CTBP2: variants seen among roughly 807,000 people sequenced by gnomAD.
The protein encoded by CTBP2 is C-terminal-binding protein 2.
A neutral mutation model predicts 80.3 loss-of-function variants in CTBP2; 30 were observed. The ratio of observed to expected loss-of-function variants is 0.37; its 90% CI spans 0.28 to 0.51. The LOEUF is 0.51. Ranked by LOEUF, CTBP2 falls within the 20% of genes least tolerant of loss-of-function variation. The pLI, the probability that CTBP2 is intolerant of heterozygous loss-of-function variation, is 0.93. For synonymous variants in CTBP2, 594 were observed against 587.4 expected, an observed-to-expected ratio of 1.01 and a Z score of -0.16; for missense variants, 1,212 against 1,375.3, an observed-to-expected ratio of 0.88 and a Z score of 1.88.
At chr10:125,067,040 C>G (rs1844747671) in intron 2 of CTBP2, among the ~76,000 whole-genome samples, 2 of 152,198 alleles carry the variant, frequency 1.3e-5, no homozygotes, top group Admixed American at 1.3e-4. Context: ...CAGACACCCC[C>G]CACGTCCACC....
At position 124,984,739 on chromosome 10, in the gene CTBP2, A is replaced by G. The variant is rs1196909902; in HGVS notation, c.*4779T>C. On this transcript the variant is annotated 3_prime_UTR_variant, in exon 9 of 9. Transcript: ENST00000309035. ...TCCTACCAAGTCTCTGATCTGTTGTATGATTTTCCCTTTGTCTTCATATTC... is the reference window on the plus strand; with the variant it reads ...TCCTACCAAGTCTCTGATCTGTTGTGTGATTTTCCCTTTGTCTTCATATTC... 6.2e-7 allele frequency: 1 copy of G among 1,600,258 alleles called. No individual in the cohort carries two copies.
At chr10:125,074,009 C>T (rs1564855573) in intron 2 of CTBP2, among the ~76,000 whole-genome samples, 1 of 152,212 alleles carries the variant, frequency 6.6e-6, no homozygotes, top group Non-Finnish European at 1.5e-5. Flanking sequence ...ACCTGTTCAG[C>T]TGTATCTCTC....
intron 1 of CTBP2, among the ~76,000 whole-genome samples, chr10:125,018,503 CAAACCAA>C (rs71029232): frequency 1.8e-4 from 27 of 150,966 alleles, no homozygotes; most frequent in African/African-American, 5.6e-4. Context: ...AAAACAAAAA[CAAACCAA>C]AAACCAAAAA....
Position 124,984,518 on chromosome 10 carries a change from T to C in CTBP2, c.*5000A>G. The C allele has an allele frequency of 2.3e-6, 1 of 431,032 alleles. No homozygotes were observed. The highest frequency in any genetic ancestry group is 4.1e-6 in the Non-Finnish European group (1 of 243,856). The allele number at this position is 431,032 out of a possible 1,614,324, so 26.7% of individuals were successfully genotyped here. A position where few individuals can be genotyped will look rare whatever the true frequency, so the allele number is the denominator to read the frequency against. Reference sequence around the variant, plus strand: ...TTATTAGGACATTTGTTTTTTATTTTATCTAACAAATTACCCTCTAGTGTG... The same window carrying C: ...TTATTAGGACATTTGTTTTTTATTTCATCTAACAAATTACCCTCTAGTGTG... On this transcript the variant is annotated 3_prime_UTR_variant, in exon 9 of 9. Transcript: ENST00000309035.
chr10:125,073,186 T>C (rs1845772972), intron 2 of CTBP2, among the ~76,000 whole-genome samples: 1 of 152,260 alleles, frequency 6.6e-6, no homozygotes, highest in Non-Finnish European at 1.5e-5. Flanking sequence ...TCAATGTTGA[T>C]GATGTCCACT....
intron 2 of CTBP2, among the ~76,000 whole-genome samples, chr10:125,102,673 C>T (rs1235371037): frequency 6.6e-6 from 1 of 152,210 alleles, no homozygotes; most frequent in Non-Finnish European, 1.5e-5. Flanking sequence ...ACTGTACTCT[C>T]ATCAAAGTGA....
At chr10:125,149,479 T>C (rs1192173473) in intron 1 of CTBP2, among the ~76,000 whole-genome samples, 1 of 152,112 alleles carries the variant, frequency 6.6e-6, no homozygotes, top group Non-Finnish European at 1.5e-5. Flanking sequence ...ACATGACTGA[T>C]TTGTCAAGAG....
chr10:125,156,847 C>A (rs1001836564), intron 1 of CTBP2, among the ~76,000 whole-genome samples: 1 of 152,154 alleles, frequency 6.6e-6, no homozygotes, highest in Non-Finnish European at 1.5e-5. Context: ...AAAGTTAAGA[C>A]TGAAGTTATT....
At chr10:124,999,324 GC>G (rs1201104573) in intron 3 of CTBP2, 1 of 150,838 alleles carries the variant, frequency 6.6e-6, no homozygotes, top group East Asian at 2.0e-4. Context: ...CTGGGACAGG[GC>G]CACCTTTAAG....
intron 2 of CTBP2, among the ~76,000 whole-genome samples, chr10:125,054,361 C>T (rs1394909025): frequency 1.3e-5 from 2 of 152,190 alleles, no homozygotes; most frequent in Admixed American, 6.5e-5. Flanking sequence ...AACTTCCCTC[C>T]CTCCCAGAGG....
At chr10:125,033,103 A>G (rs987687730) in intron 3 of CTBP2, among the ~76,000 whole-genome samples, 4 of 152,172 alleles carry the variant, frequency 2.6e-5, no homozygotes, top group Admixed American at 2.6e-4. Context: ...CAGGTTGCAA[A>G]TGGGAAGGGA....
At chr10:125,014,051 A>T (rs968621418) in intron 1 of CTBP2, among the ~76,000 whole-genome samples, 1 of 152,142 alleles carries the variant, frequency 6.6e-6, no homozygotes, top group Non-Finnish European at 1.5e-5. Context: ...GTCTCTCTAG[A>T]TCTTGCAGCC....
At chr10:125,147,805 GA>G (rs1299968557) in intron 1 of CTBP2, among the ~76,000 whole-genome samples, 1 of 152,018 alleles carries the variant, frequency 6.6e-6, no homozygotes. Flanking sequence ...GCTGAGATGG[GA>G]AAATTGCTTG....
At chr10:125,063,455 C>T (rs1031028258) in intron 2 of CTBP2, among the ~76,000 whole-genome samples, 1 of 152,206 alleles carries the variant, frequency 6.6e-6, no homozygotes, top group Non-Finnish European at 1.5e-5. Flanking sequence ...CCCAGGATAA[C>T]ACCCAAACAC....
chr10:125,161,614 G>A (rs1472751112), upstream of CTBP2, among the ~76,000 whole-genome samples: 1 of 152,182 alleles, frequency 6.6e-6, no homozygotes, highest in Non-Finnish European at 1.5e-5. Context: ...AGACCGTGCC[G>A]GAGAGGCGGC....
At chr10:125,109,414 G>C (rs1399274192) in intron 2 of CTBP2, among the ~76,000 whole-genome samples, 1 of 152,204 alleles carries the variant, frequency 6.6e-6, no homozygotes, top group East Asian at 1.9e-4. Flanking sequence ...CCAACCCCAG[G>C]CCCAAGGTGA....
chr10:125,033,615 C>G (rs1193393064), intron 3 of CTBP2, among the ~76,000 whole-genome samples: 12 of 152,234 alleles, frequency 7.9e-5, no homozygotes, highest in Admixed American at 7.8e-4. Flanking sequence ...GGGCTGCTGT[C>G]TGCTGCTGTC....
rs368381338 is a variant in CTBP2, at chr10:125,027,093, G to C, written c.667C>G (p.Pro223Ala). The change falls in exon 1 of 9, where the codon CCT becomes GCT. Residue 223 changes from proline (P) to alanine (A), a missense_variant. By Grantham distance (27) the Pro-to-Ala change is conservative. Coordinates refer to ENST00000309035, the MANE Select transcript of CTBP2 (RefSeq NM_022802.3). ...CACGTCGGGGCCACCTGTCTGGCAG[G>C]GGCAGGGTCAATGGGTCTTTCGCTG... 9.9e-6 allele frequency: 16 copies of C among 1,610,888 alleles called. No homozygotes were observed. The highest frequency in any genetic ancestry group is 5.0e-5 in the Admixed American group (3 of 59,870).
intron 2 of CTBP2, among the ~76,000 whole-genome samples, chr10:125,064,955 T>C (rs1844400827): frequency 6.6e-6 from 1 of 152,238 alleles, no homozygotes; most frequent in Non-Finnish European, 1.5e-5. Flanking sequence ...TCACTGGTTT[T>C]ACTGCTTAAC....
Sources: gnomAD v4.1 joint callset for allele counts (sites outside exome capture counted in the v4.1 genomes callset) on GRCh38, gnomAD v4.1.1 for gene constraint, MANE v1.5 for transcripts, NCBI Gene and HGNC (gene_info 2026-07-23, HGNC 2026-07-21) for gene names.